ZNF804B: variants seen among roughly 807,000 people sequenced by gnomAD.
ZNF804B encodes zinc finger protein 804B.
Under a neutral mutation model 101.4 loss-of-function variants are expected in ZNF804B, and 80 were observed. The observed-to-expected ratio is 0.79, with a 90% confidence interval of 0.66 to 0.95. The LOEUF is 0.95. Ranked by LOEUF, ZNF804B falls within the 40% of genes least tolerant of loss-of-function variation. The pLI, the probability that ZNF804B is intolerant of heterozygous loss-of-function variation, is 0.00. For missense variants in ZNF804B, 1,673 were observed against 1,561.9 expected (o/e 1.07, Z -1.20); for synonymous variants, 622 against 558.8 (o/e 1.11, Z -1.59).
At chr7:89,223,826 G>C (rs534326901) in intron 2 of ZNF804B, among the ~76,000 whole-genome samples, 1 of 151,746 alleles carries the variant, frequency 6.6e-6, no homozygotes, top group Non-Finnish European at 1.5e-5. Flanking sequence ...TATAGCTCAC[G>C]TTTTTGGAAA....
chr7:89,199,528 C>A (rs895811127), intron 1 of ZNF804B, among the ~76,000 whole-genome samples: 1 of 151,784 alleles, frequency 6.6e-6, no homozygotes, highest in Non-Finnish European at 1.5e-5. Flanking sequence ...TTTCTATAAT[C>A]AATATATTGG....
At chr7:89,142,623 A>G (rs1239400162) in intron 1 of ZNF804B, among the ~76,000 whole-genome samples, 1 of 152,002 alleles carries the variant, frequency 6.6e-6, no homozygotes, top group East Asian at 1.9e-4. Flanking sequence ...TAAAATTTCC[A>G]TTAAAAGCTC....
intron 1 of ZNF804B, among the ~76,000 whole-genome samples, chr7:89,090,671 C>T (rs911054266): frequency 7.9e-5 from 12 of 152,076 alleles, no homozygotes; most frequent in Admixed American, 2.6e-4. Flanking sequence ...AATTTGAGGA[C>T]TTTGGACTGC....
chr7:89,103,412 T>C (rs1790090397), intron 1 of ZNF804B, among the ~76,000 whole-genome samples: 1 of 151,860 alleles, frequency 6.6e-6, no homozygotes, highest in Non-Finnish European at 1.5e-5. Flanking sequence ...TCATCAGTGA[T>C]TTGTAGTTCT....
chr7:88,940,951 TG>T (rs1427372744), intron 1 of ZNF804B, among the ~76,000 whole-genome samples: 1 of 151,502 alleles, frequency 6.6e-6, no homozygotes, highest in Non-Finnish European at 1.5e-5. Context: ...GATTAAAAAT[TG>T]GGTTTAAAAA....
At chr7:89,019,858 T>C (rs1788635812) in intron 1 of ZNF804B, among the ~76,000 whole-genome samples, 3 of 152,068 alleles carry the variant, frequency 2.0e-5, no homozygotes, top group Admixed American at 6.6e-5. Context: ...ACAGGTGAGC[T>C]GAGTTTCATG....
chr7:89,112,337 G>A lies in ZNF804B; in HGVS notation c.109-105818G>A, dbSNP rs1790230993. Among the ~76,000 whole-genome samples the A allele has an allele frequency of 1.3e-5, 2 of 152,018 alleles. 1 individual carries two copies. Among genetic ancestry groups the A allele is most frequent in the South Asian group, 4.1e-4 (2 of 4,830 alleles). On this transcript the variant is annotated intron_variant, in intron 1 of 3. Transcript: ENST00000333190. Reference sequence around the variant, plus strand: ...TGGCTAGGTTCATTTTCTTGCATGTGGATGCCCAATTATTCCTCTACCATT... The same window carrying A: ...TGGCTAGGTTCATTTTCTTGCATGTAGATGCCCAATTATTCCTCTACCATT...
chr7:88,842,732 C>T (rs913596641), intron 1 of ZNF804B, among the ~76,000 whole-genome samples: 4 of 152,132 alleles, frequency 2.6e-5, no homozygotes, highest in East Asian at 1.9e-4. Context: ...CTGCTTCAAA[C>T]GAACTAAGAA....
intron 2 of ZNF804B, among the ~76,000 whole-genome samples, chr7:89,296,285 A>T (rs2115909152): frequency 6.6e-6 from 1 of 152,234 alleles, no homozygotes; most frequent in Middle Eastern, 3.4e-3. Flanking sequence ...TCTATTGATG[A>T]TTCTTAATTT....
chr7:89,092,469 G>A (rs1789908640), intron 1 of ZNF804B, among the ~76,000 whole-genome samples: 1 of 127,256 alleles, frequency 7.9e-6, no homozygotes, highest in African/African-American at 3.0e-5. Context: ...CTGGAGTACA[G>A]TAGTGCCATC....
At chr7:89,264,427 G>A (rs1789754261) in intron 2 of ZNF804B, among the ~76,000 whole-genome samples, 1 of 152,154 alleles carries the variant, frequency 6.6e-6, no homozygotes, top group Non-Finnish European at 1.5e-5. Context: ...AAAGCTAACA[G>A]TACCAAGGTC....
At chr7:89,110,633 C>G (rs192041871) in intron 1 of ZNF804B, among the ~76,000 whole-genome samples, 60 of 152,078 alleles carry the variant, frequency 3.9e-4, no homozygotes, top group Admixed American at 3.1e-3. Context: ...TAAATGCTGC[C>G]TGAGTTTCTC....
At chr7:89,186,647 G>A (rs1293253265) in intron 1 of ZNF804B, among the ~76,000 whole-genome samples, 4 of 151,750 alleles carry the variant, frequency 2.6e-5, no homozygotes, top group South Asian at 2.1e-4. Flanking sequence ...TATATAAAAG[G>A]GCAAACAACT....
At chr7:89,060,452 T>C (rs959839678) in intron 1 of ZNF804B, among the ~76,000 whole-genome samples, 1 of 152,236 alleles carries the variant, frequency 6.6e-6, no homozygotes, top group Admixed American at 6.5e-5. Context: ...GAAAATCACT[T>C]AATTGAAATG....
At chr7:88,820,054 G>C (rs188551056) in intron 1 of ZNF804B, among the ~76,000 whole-genome samples, 6 of 152,200 alleles carry the variant, frequency 3.9e-5, no homozygotes, top group African/African-American at 1.4e-4. Flanking sequence ...GCCCTGAAAG[G>C]ACAAGATAAT....
chr7:88,877,027 ATAT>A (rs1791957017), intron 1 of ZNF804B, among the ~76,000 whole-genome samples: 1 of 28,592 alleles, frequency 3.5e-5, no homozygotes, highest in African/African-American at 2.9e-4. Context: ...TATATATATA[ATAT>A]ATATATATAT....
At chr7:88,962,353 T>C (rs1481146119) in intron 1 of ZNF804B, among the ~76,000 whole-genome samples, 1 of 151,214 alleles carries the variant, frequency 6.6e-6, no homozygotes, top group African/African-American at 2.4e-5. Flanking sequence ...TATGTAGTTG[T>C]ATCAGTGTAG....
intron 1 of ZNF804B, among the ~76,000 whole-genome samples, chr7:88,885,552 G>A (rs1228906457): frequency 1.3e-5 from 2 of 149,046 alleles, no homozygotes; most frequent in Admixed American, 6.8e-5. Context: ...CCTAAGTTTG[G>A]ACCATATTAA....
intron 1 of ZNF804B, among the ~76,000 whole-genome samples, chr7:88,777,863 A>AT (rs1486560225): frequency 6.6e-6 from 1 of 151,494 alleles, no homozygotes; most frequent in African/African-American, 2.4e-5. Flanking sequence ...AAAAAAAAAA[A>AT]AAAATTGCAG....
Sources: gnomAD v4.1 joint callset for allele counts (sites outside exome capture counted in the v4.1 genomes callset) on GRCh38, gnomAD v4.1.1 for gene constraint, MANE v1.5 for transcripts, NCBI Gene and HGNC (gene_info 2026-07-23, HGNC 2026-07-21) for gene names.